PDE8A: variants seen among roughly 807,000 people sequenced by gnomAD.
The protein encoded by PDE8A is phosphodiesterase 8A, also known as high affinity cAMP-specific and IBMX-insensitive 3',5'-cyclic phosphodiesterase 8A.
A neutral mutation model predicts 105.0 loss-of-function variants in PDE8A; 59 were observed. The observed-to-expected ratio is 0.56, with a 90% CI of 0.46 to 0.70. The LOEUF is 0.70. PDE8A is among the 30% of genes least tolerant of loss of function. The probability of loss-of-function intolerance (pLI) is 0.00; values close to 1 mark genes in which losing one functional copy is unlikely to be tolerated. For synonymous variants in PDE8A, 355 were observed against 371.9 expected, an observed-to-expected ratio of 0.95 and a Z score of 0.52; for missense variants, 1,014 against 1,045.9, an observed-to-expected ratio of 0.97 and a Z score of 0.42.
chr15:85,123,237 T>C (rs753685166), intron 19 of PDE8A, 44 bp downstream of exon 19: 5 of 1,598,496 alleles, frequency 3.1e-6, no homozygotes, highest in South Asian at 1.1e-5. Context: ...TTGGGGTCCT[T>C]GTACTGTTGT....
rs546194907 is a variant in PDE8A at position 85,119,468 on chromosome 15, C to CAAAAA, written c.1735-1320_1735-1316dup. Among the ~76,000 whole-genome samples the CAAAAA allele has an allele frequency of 7.7e-4, 45 of 58,560 alleles. 6 individuals are homozygous for CAAAAA. The highest frequency in any genetic ancestry group is 2.4e-3 in the South Asian group (3 of 1,242). The allele number at this position is 58,560 out of a possible 152,430, so 38.4% of individuals were successfully genotyped here. On this transcript the variant is annotated intron_variant, in intron 17 of 21. Transcript: ENST00000394553. ...GGGTGACAGAGCAAGACTCTCGTCTCAAAAAAAAAAAAACATTTATTGAAA... is the reference window on the plus strand; with the variant it reads ...GGGTGACAGAGCAAGACTCTCGTCTCAAAAAAAAAAAAAAAAAACATTTATTGAAA...
chr15:85,118,053 A>G (rs2082123792), intron 17 of PDE8A, among the ~76,000 whole-genome samples: 1 of 152,198 alleles, frequency 6.6e-6, no homozygotes, highest in Non-Finnish European at 1.5e-5. Flanking sequence ...CCATGAGGGT[A>G]CAAGAGGCAG....
chr15:85,115,399 T>C, intron 14 of PDE8A, 40 bp from the exon 15 acceptor site: 1 of 1,373,698 alleles, frequency 7.3e-7, no homozygotes, highest in East Asian at 2.4e-5. Flanking sequence ...GAAAGAATAG[T>C]TGTGACTTTT....
intron 8 of PDE8A, chr15:85,097,704 G>A: frequency 2.4e-6 from 1 of 424,836 alleles, no homozygotes; most frequent in Non-Finnish European, 4.2e-6. Flanking sequence ...CTTGTCTGCA[G>A]ATGGCCACTG....
At chr15:85,111,194 G>T (rs1219149343) in intron 12 of PDE8A, among the ~76,000 whole-genome samples, 1 of 151,990 alleles carries the variant, frequency 6.6e-6, no homozygotes, top group African/African-American at 2.4e-5. Flanking sequence ...CATATCTTTT[G>T]ATTCTTAATC....
chr15:85,136,556 G>A lies in PDE8A; in HGVS notation c.2276G>A (p.Gly759Asp), dbSNP rs200642343. ...FSQTDEEKQQ[G>D]LPVVMPVFDR... ...CAGACTGATGAAGAGAAGCAGCAGG[G>A]CTTACCTGTGGTGATGCCAGTGTTT... is the stretch of plus-strand genomic sequence containing the variant. Residue 759 changes from glycine (G) to aspartate (D), a missense_variant, in exon 21 of 22, where the codon GGC becomes GAC. Gly to Asp is a moderately conservative substitution (Grantham distance 94, BLOSUM62 -1). Coordinates refer to ENST00000394553, the MANE Select transcript of PDE8A (RefSeq NM_002605.3). 6 of 1,613,796 alleles carry A rather than the reference G, an allele frequency of 3.7e-6. No individual in the cohort carries two copies. In the Admixed American group the frequency reaches 8.3e-5, roughly 22 times the overall value.
intron 1 of PDE8A, 110 bp from the exon 2 acceptor site, chr15:85,064,260 C>G: frequency 1.5e-6 from 1 of 686,246 alleles, no homozygotes; most frequent in Non-Finnish European, 2.5e-6. Flanking sequence ...CTTTATTTGC[C>G]TCTAGAATAG....
At chr15:85,060,845 A>G (rs1441795233) in intron 1 of PDE8A, among the ~76,000 whole-genome samples, 2 of 152,194 alleles carry the variant, frequency 1.3e-5, no homozygotes, top group Non-Finnish European at 2.9e-5. Context: ...TACAATAGCA[A>G]TAGCTTTTAT....
chr15:84,983,103 CAA>C (rs914763608), intron 1 of PDE8A, among the ~76,000 whole-genome samples: 4 of 152,034 alleles, frequency 2.6e-5, no homozygotes, highest in African/African-American at 9.7e-5. Flanking sequence ...TATGTTTTGT[CAA>C]AGTTTCTGGG....
At chr15:84,985,829 G>C (rs2079793294) in intron 1 of PDE8A, among the ~76,000 whole-genome samples, 8 of 152,202 alleles carry the variant, frequency 5.3e-5, no homozygotes, top group Admixed American at 5.2e-4. Flanking sequence ...GTAAAGTTTG[G>C]ATTTGGTTTT....
chr15:85,017,521 G>A (rs2080346275), intron 1 of PDE8A, among the ~76,000 whole-genome samples: 1 of 152,162 alleles, frequency 6.6e-6, no homozygotes, highest in African/African-American at 2.4e-5. Context: ...AAAATAGTGT[G>A]TCTTGTTTCT....
At chr15:84,990,295 A>C (rs1304089138) in intron 1 of PDE8A, among the ~76,000 whole-genome samples, 1 of 152,210 alleles carries the variant, frequency 6.6e-6, no homozygotes, top group African/African-American at 2.4e-5. Context: ...AGATATGACA[A>C]ATGTATATGT....
intron 3 of PDE8A, among the ~76,000 whole-genome samples, chr15:85,070,033 C>G (rs1218409278): frequency 6.6e-6 from 1 of 152,152 alleles, no homozygotes; most frequent in Non-Finnish European, 1.5e-5. Flanking sequence ...AGAAATCTTT[C>G]CAGGCTCCCC....
chr15:85,053,673 C>G (rs1319426199), intron 1 of PDE8A, among the ~76,000 whole-genome samples: 2 of 152,178 alleles, frequency 1.3e-5, no homozygotes, highest in Non-Finnish European at 2.9e-5. Context: ...ATTTTGTATC[C>G]TGAGACTTTG....
chr15:85,133,408 G>T (rs1054788416), intron 20 of PDE8A, among the ~76,000 whole-genome samples: 3 of 152,174 alleles, frequency 2.0e-5, no homozygotes, highest in Non-Finnish European at 2.9e-5. Flanking sequence ...GGTCTGCTCT[G>T]CTCCCTCCGG....
At chr15:85,072,633 T>G (rs962127579) in intron 3 of PDE8A, among the ~76,000 whole-genome samples, 1 of 152,142 alleles carries the variant, frequency 6.6e-6, no homozygotes, top group Non-Finnish European at 1.5e-5. Context: ...GTACAGACAA[T>G]AGTAGAGAAA....
At chr15:85,063,590 G>C (rs1163490630) in intron 1 of PDE8A, 1 of 152,188 alleles carries the variant, frequency 6.6e-6, no homozygotes, top group Non-Finnish European at 1.5e-5. Flanking sequence ...ACAAACCTGG[G>C]TGGAATCCCA....
chr15:85,016,872 G>A (rs2080332829), intron 1 of PDE8A, among the ~76,000 whole-genome samples: 1 of 150,874 alleles, frequency 6.6e-6, no homozygotes, highest in Admixed American at 6.6e-5. Flanking sequence ...TCCTTATTGA[G>A]TTTATGCCAG....
At chr15:85,069,933 T>TA (rs1009258930) in intron 3 of PDE8A, among the ~76,000 whole-genome samples, 1 of 152,204 alleles carries the variant, frequency 6.6e-6, no homozygotes, top group Admixed American at 6.5e-5. Context: ...TTTATTTTCC[T>TA]AATCAGTTTT....
Sources: allele counts gnomAD v4.1 joint callset (sites outside exome capture counted in the v4.1 genomes callset), GRCh38; gene constraint gnomAD v4.1.1; transcripts MANE v1.5; gene names NCBI Gene and HGNC (gene_info 2026-07-23, HGNC 2026-07-21).